The following CSGALNACT1 variants were observed in gnomAD, a reference collection of about 807,000 sequenced individuals.
CSGALNACT1 encodes chondroitin sulfate N-acetylgalactosaminyltransferase 1, also known as beta4GalNAcT-1.
Under a neutral mutation model 51.0 loss-of-function variants are expected in CSGALNACT1, and 52 were observed. The ratio of observed to expected loss-of-function variants is 1.02; its 90% CI spans 0.82 to 1.29. CSGALNACT1 has a LOEUF of 1.29. CSGALNACT1 is among the 50% of genes most tolerant of loss of function. The pLI is 0.00. For synonymous variants in CSGALNACT1, 341 were observed against 254.4 expected (o/e 1.34, Z -3.24); for missense variants, 935 against 679.2 (o/e 1.38, Z -4.19).
chr8:19,748,926 C>T (rs1044544864), intron 1 of CSGALNACT1, among the ~76,000 whole-genome samples: 1 of 151,774 alleles, frequency 6.6e-6, no homozygotes, highest in African/African-American at 2.4e-5. Context: ...GATCGCACCA[C>T]CACACTCCAA....
chr8:19,496,941 G>T (rs2075591586), intron 4 of CSGALNACT1, among the ~76,000 whole-genome samples: 1 of 152,156 alleles, frequency 6.6e-6, no homozygotes, highest in Non-Finnish European at 1.5e-5. Context: ...GGAGGGGACA[G>T]GAGCTCCCTG....
At chr8:19,735,480 T>C (rs1464171855) in intron 1 of CSGALNACT1, among the ~76,000 whole-genome samples, 1 of 151,756 alleles carries the variant, frequency 6.6e-6, no homozygotes, top group Non-Finnish European at 1.5e-5. Flanking sequence ...TACCACAAAA[T>C]TCTCAGGAGG....
exon 10 of CSGALNACT1, chr8:19,405,069 G>A (rs1391704413): frequency 4.4e-6 from 2 of 453,500 alleles, no homozygotes; most frequent in African/African-American, 2.0e-5. Flanking sequence ...ATATAAAAAT[G>A]TAGGCCAACT....
intron 3 of CSGALNACT1, among the ~76,000 whole-genome samples, chr8:19,585,996 T>A (rs955426541): frequency 6.6e-6 from 1 of 152,024 alleles, no homozygotes; most frequent in African/African-American, 2.4e-5. Flanking sequence ...GACCTCAGAG[T>A]CCCCATATCA....
At chr8:19,664,029 C>T (rs144824047) in intron 1 of CSGALNACT1, among the ~76,000 whole-genome samples, 25 of 152,112 alleles carry the variant, frequency 1.6e-4, no homozygotes, top group African/African-American at 4.4e-4. Flanking sequence ...CTGGTGAAAG[C>T]GCGGGCCAGG....
At chr8:19,645,590 G>T (rs117561340) in intron 1 of CSGALNACT1, among the ~76,000 whole-genome samples, 2,203 of 152,302 alleles carry the variant, frequency 0.014, 29 homozygotes, top group Non-Finnish European at 0.021. Flanking sequence ...GGTTGAGATC[G>T]TGGGTACTAA....
chr8:19,568,634 C>A (rs904621671), intron 3 of CSGALNACT1, among the ~76,000 whole-genome samples: 2 of 152,140 alleles, frequency 1.3e-5, no homozygotes, highest in African/African-American at 4.8e-5. Flanking sequence ...CTGCTGGAAT[C>A]TAAAGTCTAA....
intron 4 of CSGALNACT1, among the ~76,000 whole-genome samples, chr8:19,461,567 GC>G (rs2065392248): frequency 8.9e-5 from 13 of 146,562 alleles, no homozygotes; most frequent in African/African-American, 3.0e-4. Flanking sequence ...TATCCGCACA[GC>G]GGCCACATTC....
At chr8:19,580,653 G>T (rs979874798) in intron 3 of CSGALNACT1, among the ~76,000 whole-genome samples, 2 of 152,076 alleles carry the variant, frequency 1.3e-5, no homozygotes, top group African/African-American at 4.8e-5. Context: ...AAATTACAAA[G>T]CCTGATAGAA....
At chr8:19,485,665 C>T (rs556588966) in intron 4 of CSGALNACT1, among the ~76,000 whole-genome samples, 28 of 152,006 alleles carry the variant, frequency 1.8e-4, no homozygotes, top group African/African-American at 6.3e-4. Flanking sequence ...ACATCTGCTT[C>T]CTCCATTCCC....
chr8:19,583,187 T>A (rs2154124171), intron 3 of CSGALNACT1, among the ~76,000 whole-genome samples: 1 of 152,004 alleles, frequency 6.6e-6, no homozygotes, highest in Non-Finnish European at 1.5e-5. Context: ...TAAAAAAAAA[T>A]CCATTATTCT....
intron 8 of CSGALNACT1, among the ~76,000 whole-genome samples, chr8:19,412,663 G>A (rs1422986922): frequency 6.6e-6 from 1 of 152,158 alleles, no homozygotes; most frequent in African/African-American, 2.4e-5. Context: ...CCCCATACAT[G>A]GAAGGCCCCA....
intron 3 of CSGALNACT1, among the ~76,000 whole-genome samples, chr8:19,577,762 T>A (rs1473357407): frequency 6.6e-6 from 1 of 152,014 alleles, no homozygotes; most frequent in East Asian, 1.9e-4. Flanking sequence ...CTGACTTGAG[T>A]AAGAAGCTGC....
chr8:19,596,215 G>T (rs2048864844), intron 2 of CSGALNACT1, among the ~76,000 whole-genome samples: 1 of 152,040 alleles, frequency 6.6e-6, no homozygotes, highest in South Asian at 2.1e-4. Context: ...GTCAGAAACT[G>T]ACTGAAAAGA....
chr8:19,481,733 G>C (rs1026241206), intron 4 of CSGALNACT1, among the ~76,000 whole-genome samples: 3 of 152,106 alleles, frequency 2.0e-5, no homozygotes, highest in African/African-American at 7.2e-5. Context: ...AAAAAGTGCT[G>C]AGCTCATGTT....
Position 19,642,320 on chromosome 8 carries a change from G to T in CSGALNACT1, c.-544+40153C>A, listed in dbSNP as rs369530111. On this transcript the variant is annotated intron_variant, in intron 1 of 9. Coordinates refer to the CSGALNACT1 transcript ENST00000332246. Reference sequence around the variant, plus strand: ...AATGACTAAGTTCTAGAAAATAATTGTAAGGAGGAAGAATACAACTTCAAG... The same window carrying T: ...AATGACTAAGTTCTAGAAAATAATTTTAAGGAGGAAGAATACAACTTCAAG... 1.2e-3 allele frequency among the ~76,000 whole-genome samples: 190 copies of T among 152,284 alleles called. 1 individual carries two copies. The highest frequency in any genetic ancestry group is 4.4e-3 in the African/African-American group (183 of 41,556).
chr8:19,723,412 T>A (rs7845696), intron 1 of CSGALNACT1, among the ~76,000 whole-genome samples: 24,328 of 152,234 alleles, frequency 0.16, 2,175 homozygotes, highest in African/African-American at 0.23. Context: ...CACATCACTT[T>A]CACGTTATTC....
intron 4 of CSGALNACT1, among the ~76,000 whole-genome samples, chr8:19,500,378 G>A (rs947363140): frequency 6.6e-6 from 1 of 152,088 alleles, no homozygotes; most frequent in Non-Finnish European, 1.5e-5. Flanking sequence ...CCTTATTTCT[G>A]CACCAAGATG....
chr8:19,532,499 C>G (rs539312497), intron 3 of CSGALNACT1, among the ~76,000 whole-genome samples: 4 of 152,300 alleles, frequency 2.6e-5, no homozygotes, highest in African/African-American at 7.2e-5. Flanking sequence ...AAAGAGCTCC[C>G]TAACCAGTCT....
Sources: allele counts gnomAD v4.1 joint callset (sites outside exome capture counted in the v4.1 genomes callset), GRCh38; gene constraint gnomAD v4.1.1; transcripts MANE v1.5; gene names NCBI Gene and HGNC (gene_info 2026-07-23, HGNC 2026-07-21).